Variants in RABGAP1L observed in about 807,000 individuals in gnomAD.
The protein encoded by RABGAP1L is rab GTPase-activating protein 1-like.
In RABGAP1L, 63 loss-of-function variants were observed where a neutral mutation model predicts 137.7. The ratio of observed to expected loss-of-function variants is 0.46; its 90% CI spans 0.37 to 0.56. The LOEUF is 0.56. Among genes scored for constraint, RABGAP1L ranks in the 20% least tolerant of loss-of-function variants. The pLI, the probability that RABGAP1L is intolerant of heterozygous loss-of-function variation, is 0.00. For missense variants in RABGAP1L, 1,095 were observed against 1,244.0 expected, an observed-to-expected ratio of 0.88 and a Z score of 1.80; for synonymous variants, 431 against 433.7, an observed-to-expected ratio of 0.99 and a Z score of 0.08.
intron 4 of RABGAP1L, among the ~76,000 whole-genome samples, chr1:174,238,061 A>T (rs1300306058): frequency 6.6e-6 from 1 of 152,032 alleles, no homozygotes; most frequent in Non-Finnish European, 1.5e-5. Context: ...AGTTGATCGC[A>T]TCGGCTCCTG....
intron 19 of RABGAP1L, among the ~76,000 whole-genome samples, chr1:174,817,457 A>C (rs2148875400): frequency 6.6e-6 from 1 of 152,274 alleles, no homozygotes; most frequent in East Asian, 1.9e-4. Flanking sequence ...ATAGGTAAAA[A>C]AAATATGGAG....
intron 10 of RABGAP1L, among the ~76,000 whole-genome samples, chr1:174,285,520 G>C (rs971006598): frequency 2.8e-5 from 4 of 140,890 alleles, no homozygotes; most frequent in Admixed American, 1.4e-4. Context: ...TGTTCTAACC[G>C]TTTTTTTTTT....
intron 18 of RABGAP1L, among the ~76,000 whole-genome samples, chr1:174,774,440 TA>T (rs1330059625): frequency 6.7e-6 from 1 of 149,932 alleles, no homozygotes; most frequent in East Asian, 2.0e-4. Context: ...AAAATAAAAA[TA>T]AAAAAAATAG....
chr1:174,410,003 A>G (rs567586215), intron 13 of RABGAP1L, among the ~76,000 whole-genome samples: 1 of 152,120 alleles, frequency 6.6e-6, no homozygotes, highest in Non-Finnish European at 1.5e-5. Context: ...CCTCAGAAGC[A>G]TGTGATCTTT....
chr1:174,438,715 C>CA (rs199672966), intron 13 of RABGAP1L, among the ~76,000 whole-genome samples: 11 of 88,048 alleles, frequency 1.2e-4, no homozygotes, highest in Admixed American at 7.3e-4. Context: ...AAGACTCTGT[C>CA]AAAAAAAACC....
intron 7 of RABGAP1L, among the ~76,000 whole-genome samples, chr1:174,269,446 G>T (rs565720363): frequency 6.6e-6 from 1 of 152,280 alleles, no homozygotes; most frequent in South Asian, 2.1e-4. Context: ...GATAGACATG[G>T]GCATGAATCC....
intron 12 of RABGAP1L, among the ~76,000 whole-genome samples, chr1:174,376,297 T>G (rs565002888): frequency 1.3e-5 from 2 of 152,138 alleles, no homozygotes; most frequent in South Asian, 2.1e-4. Flanking sequence ...ACATAAACTT[T>G]CCAGAATATA....
At chr1:174,342,521 G>A (rs899543637) in intron 11 of RABGAP1L, among the ~76,000 whole-genome samples, 19 of 152,086 alleles carry the variant, frequency 1.2e-4, no homozygotes, top group African/African-American at 4.3e-4. Flanking sequence ...AATCATCTTT[G>A]TAAAGCTAGT....
chr1:174,833,449 G>GAGATATATATATATATATATAT lies in RABGAP1L; in HGVS notation c.2340+21490_2340+21491insGATATATATATATATATATATA, dbSNP rs1553259972. Among the ~76,000 whole-genome samples the GAGATATATATATATATATATAT allele has an allele frequency of 2.5e-4, 7 of 27,826 alleles. 2 individuals are homozygous for GAGATATATATATATATATATAT. Among genetic ancestry groups the GAGATATATATATATATATATAT allele is most frequent in the Non-Finnish European group, 7.7e-4 (7 of 9,046 alleles). The allele number at this position is 27,826 out of a possible 152,430, so 18.3% of individuals were successfully genotyped here. A position where few individuals can be genotyped will look rare whatever the true frequency, so the allele number is the denominator to read the frequency against. On this transcript the variant is annotated intron_variant, in intron 19 of 25. Transcript: ENST00000681986. ...ATATATATATGTGTGTGTGTGTAGA[G>GAGATATATATATATATATATAT]ATATATATATATATATATAGTAGAG...
intron 1 of RABGAP1L, among the ~76,000 whole-genome samples, chr1:174,171,885 C>T (rs1181036055): frequency 6.6e-6 from 1 of 151,998 alleles, no homozygotes; most frequent in Non-Finnish European, 1.5e-5. Context: ...CCTGTAATCC[C>T]AGCTATTTAG....
intron 18 of RABGAP1L, among the ~76,000 whole-genome samples, chr1:174,790,633 A>AG (rs397771754): frequency 6.6e-6 from 1 of 151,218 alleles, no homozygotes; most frequent in Non-Finnish European, 1.5e-5. Context: ...AAAAAAAAAA[A>AG]GAAAAGAGAA....
At chr1:174,708,134 CTTCT>C (rs1237140046) in intron 17 of RABGAP1L, among the ~76,000 whole-genome samples, 1 of 152,182 alleles carries the variant, frequency 6.6e-6, no homozygotes, top group African/African-American at 2.4e-5. Flanking sequence ...CTTCTCTTCT[CTTCT>C]CAGGATGTTG....
intron 12 of RABGAP1L, among the ~76,000 whole-genome samples, chr1:174,375,903 A>G (rs1685489056): frequency 6.6e-6 from 1 of 152,020 alleles, no homozygotes; most frequent in South Asian, 2.1e-4. Flanking sequence ...TATCTCTACT[A>G]AAAATATCAA....
At chr1:174,489,345 A>T (rs533669190) in intron 13 of RABGAP1L, among the ~76,000 whole-genome samples, 2 of 152,270 alleles carry the variant, frequency 1.3e-5, no homozygotes, top group African/African-American at 2.4e-5. Context: ...AAAATCAAAC[A>T]ACCCCATCAA....
chr1:174,531,964 G>A (rs1374354717), intron 13 of RABGAP1L, among the ~76,000 whole-genome samples: 2 of 151,950 alleles, frequency 1.3e-5, no homozygotes, highest in Non-Finnish European at 2.9e-5. Flanking sequence ...TACCAATTAT[G>A]AACATCTCCA....
At chr1:174,186,507 T>A in intron 1 of RABGAP1L, among the ~76,000 whole-genome samples, 1 of 152,236 alleles carries the variant, frequency 6.6e-6, no homozygotes, top group East Asian at 1.9e-4. Flanking sequence ...GAGTTCAGAA[T>A]GCTATCTGTC....
At chr1:174,290,485 T>C (rs556442637) in intron 10 of RABGAP1L, among the ~76,000 whole-genome samples, 6 of 152,290 alleles carry the variant, frequency 3.9e-5, no homozygotes, top group African/African-American at 1.4e-4. Flanking sequence ...ATACAACTTT[T>C]CTAAGTTTTG....
intron 18 of RABGAP1L, among the ~76,000 whole-genome samples, chr1:174,808,880 C>T (rs1308469035): frequency 6.6e-6 from 1 of 152,012 alleles, no homozygotes; most frequent in East Asian, 1.9e-4. Flanking sequence ...TGATCTGGAA[C>T]CCCTGACCTC....
At chr1:174,918,126 A>G (rs986574852) in intron 19 of RABGAP1L, among the ~76,000 whole-genome samples, 2 of 144,032 alleles carry the variant, frequency 1.4e-5, no homozygotes, top group Admixed American at 1.4e-4. Flanking sequence ...ATTTAGAACT[A>G]TTATGAAGTA....
Sources: allele counts gnomAD v4.1 joint callset (sites outside exome capture counted in the v4.1 genomes callset), GRCh38; gene constraint gnomAD v4.1.1; transcripts MANE v1.5; gene names NCBI Gene and HGNC (gene_info 2026-07-23, HGNC 2026-07-21).